The following COL25A1 variants were observed in gnomAD, a reference collection of about 807,000 sequenced individuals.
The protein encoded by COL25A1 is collagen type XXV alpha 1 chain, also known as collagen alpha-1(XXV) chain.
In COL25A1, 103 loss-of-function variants were observed where a neutral mutation model predicts 128.4. That is an observed-to-expected ratio of 0.80 (90% confidence interval 0.68 to 0.94). COL25A1 has a LOEUF of 0.94. Ranked by LOEUF, COL25A1 falls within the 40% of genes least tolerant of loss-of-function variation. COL25A1 has a pLI of 0.00. For missense variants in COL25A1, 745 were observed against 840.0 expected (o/e 0.89, Z 1.40); for synonymous variants, 279 against 277.2 (o/e 1.01, Z -0.06).
At chr4:109,070,779 T>G (rs1440879995) in intron 3 of COL25A1, among the ~76,000 whole-genome samples, 2 of 147,748 alleles carry the variant, frequency 1.4e-5, no homozygotes, top group African/African-American at 5.0e-5. Flanking sequence ...AGTGAGAACA[T>G]GCGGTGTTTG....
At chr4:108,996,416 A>T (rs1383208876) in intron 6 of COL25A1, among the ~76,000 whole-genome samples, 2 of 152,180 alleles carry the variant, frequency 1.3e-5, no homozygotes, top group African/African-American at 4.8e-5. Context: ...CAACATGAAG[A>T]GCTAACTATC....
intron 5 of COL25A1, among the ~76,000 whole-genome samples, chr4:109,026,096 C>T: frequency 8.4e-6 from 1 of 118,584 alleles, no homozygotes; most frequent in East Asian, 2.4e-4. Flanking sequence ...ATATAAAACA[C>T]TTTGCACACA....
chr4:109,040,487 C>A (rs2070433450), intron 5 of COL25A1, among the ~76,000 whole-genome samples: 1 of 152,172 alleles, frequency 6.6e-6, no homozygotes, highest in Admixed American at 6.5e-5. Context: ...AAAATACTAA[C>A]ATTCAAAATG....
rs146029402 is a variant in COL25A1, at chr4:108,995,094, A to G, written c.438+15264T>C. Among the ~76,000 whole-genome samples, 503 of 152,334 alleles carry G rather than the reference A, an allele frequency of 3.3e-3. 1 individual carries two copies. Among genetic ancestry groups the G allele is most frequent in the Non-Finnish European group, 4.7e-3 (319 of 68,028 alleles). ...GATCACAGCTGGTCACCAACAAGGC[A>G]ACAAAACTGGATGGAGAATGAGTTT... On this transcript the variant is annotated intron_variant, in intron 6 of 37. Coordinates refer to ENST00000399132, the MANE Select transcript of COL25A1 (RefSeq NM_198721.4).
chr4:109,222,736 G>C (rs1157424204), intron 3 of COL25A1, among the ~76,000 whole-genome samples: 1 of 152,096 alleles, frequency 6.6e-6, no homozygotes, highest in Non-Finnish European at 1.5e-5. Context: ...TCCCAAAGGA[G>C]GCTGTCCATT....
At chr4:109,197,497 TA>T (rs1776215573) in intron 3 of COL25A1, among the ~76,000 whole-genome samples, 1 of 129,216 alleles carries the variant, frequency 7.7e-6, no homozygotes, top group African/African-American at 2.9e-5. Context: ...TATATATAAA[TA>T]TATATTATAT....
chr4:108,975,987 C>T (rs551614823), intron 6 of COL25A1, among the ~76,000 whole-genome samples: 16 of 152,086 alleles, frequency 1.1e-4, no homozygotes, highest in African/African-American at 3.6e-4. Flanking sequence ...ATATGTTTTC[C>T]CACTTTGTTT....
At chr4:109,014,604 TG>T (rs1757036986) in intron 5 of COL25A1, among the ~76,000 whole-genome samples, 1 of 152,248 alleles carries the variant, frequency 6.6e-6, no homozygotes, top group Admixed American at 6.5e-5. Context: ...CATTGCATTA[TG>T]GATTTTATGT....
At chr4:109,195,083 T>C (rs1775914496) in intron 3 of COL25A1, among the ~76,000 whole-genome samples, 1 of 152,112 alleles carries the variant, frequency 6.6e-6, no homozygotes, top group Admixed American at 6.5e-5. Flanking sequence ...CCCATAAATA[T>C]ATACACCTCC....
chr4:109,223,398 T>TC lies in COL25A1; in HGVS notation c.367+77184dup, dbSNP rs1553962753. ...GGAAATTATTATTATATTCCACATT[T>TC]CCCCCCCCCAAAAAAAACTGCACTA... is the stretch of plus-strand genomic sequence containing the variant. On this transcript the variant is annotated intron_variant, in intron 3 of 37. Coordinates refer to ENST00000399132, the MANE Select transcript of COL25A1 (RefSeq NM_198721.4). Among the ~76,000 whole-genome samples, 1,494 of 150,424 alleles carry TC rather than the reference T, an allele frequency of 9.9e-3. 15 individuals carry two copies. Among genetic ancestry groups the TC allele is most frequent in the Non-Finnish European group, 0.016 (1,072 of 67,486 alleles).
At chr4:109,012,351 G>A (rs1031266721) in intron 5 of COL25A1, among the ~76,000 whole-genome samples, 3 of 152,186 alleles carry the variant, frequency 2.0e-5, no homozygotes, top group Non-Finnish European at 2.9e-5. Flanking sequence ...GCACTTCCTC[G>A]GCCTTGGCGT....
chr4:109,142,281 G>C (rs1281545360), intron 3 of COL25A1, among the ~76,000 whole-genome samples: 3 of 152,106 alleles, frequency 2.0e-5, no homozygotes, highest in Non-Finnish European at 4.4e-5. Flanking sequence ...ATTGCAGTCT[G>C]AGAGACTGCT....
intron 31 of COL25A1, among the ~76,000 whole-genome samples, chr4:108,833,534 C>T (rs917878143): frequency 2.6e-5 from 4 of 152,214 alleles, no homozygotes; most frequent in South Asian, 4.1e-4. Context: ...TTCAAGTATA[C>T]TTGCTCATTT....
chr4:109,284,425 G>A (rs1335446918), intron 3 of COL25A1, among the ~76,000 whole-genome samples: 4 of 152,120 alleles, frequency 2.6e-5, no homozygotes, highest in African/African-American at 4.8e-5. Context: ...GTGAGACTCC[G>A]TCAAAAACAA....
At chr4:108,956,631 C>T (rs1330012207) in intron 8 of COL25A1, among the ~76,000 whole-genome samples, 1 of 152,200 alleles carries the variant, frequency 6.6e-6, no homozygotes, top group Non-Finnish European at 1.5e-5. Flanking sequence ...GTCTCGAACT[C>T]CTGACCTCAG....
At chr4:109,123,643 G>A (rs1178673060) in intron 3 of COL25A1, among the ~76,000 whole-genome samples, 2 of 152,154 alleles carry the variant, frequency 1.3e-5, no homozygotes, top group East Asian at 3.9e-4. Flanking sequence ...AAGAAGTACA[G>A]CATTTCACAA....
At chr4:108,958,641 T>C (rs914860181) in intron 8 of COL25A1, among the ~76,000 whole-genome samples, 3 of 152,064 alleles carry the variant, frequency 2.0e-5, no homozygotes, top group Non-Finnish European at 4.4e-5. Flanking sequence ...TTTAAACATA[T>C]GCAATTAAAA....
chr4:108,821,759 C>T (rs978227507), intron 35 of COL25A1, among the ~76,000 whole-genome samples: 2 of 152,152 alleles, frequency 1.3e-5, no homozygotes, highest in African/African-American at 4.8e-5. Flanking sequence ...TTGTAATATG[C>T]ACTGATTCCC....
chr4:108,866,069 G>T (rs954001850), intron 20 of COL25A1, among the ~76,000 whole-genome samples: 1 of 152,140 alleles, frequency 6.6e-6, no homozygotes, highest in African/African-American at 2.4e-5. Flanking sequence ...AGAAACTGTT[G>T]CTGTTGCATT....
Sources: gnomAD v4.1 joint callset for allele counts (sites outside exome capture counted in the v4.1 genomes callset) on GRCh38, gnomAD v4.1.1 for gene constraint, MANE v1.5 for transcripts, NCBI Gene and HGNC (gene_info 2026-07-23, HGNC 2026-07-21) for gene names.